Variants in SLIT1 observed in about 807,000 individuals in gnomAD.
SLIT1 encodes slit guidance ligand 1, also known as slit homolog 1 protein.
A neutral mutation model predicts 186.1 loss-of-function variants in SLIT1; 66 were observed. The ratio of observed to expected loss-of-function variants is 0.35; its 90% confidence interval spans 0.29 to 0.44. The LOEUF is 0.44. Ranked by LOEUF, SLIT1 falls within the 20% of genes least tolerant of loss-of-function variation. The probability of loss-of-function intolerance (pLI) is 1.00; values close to 1 mark genes in which losing one functional copy is unlikely to be tolerated. For missense variants in SLIT1, 1,638 were observed against 2,037.4 expected, an observed-to-expected ratio of 0.80 and a Z score of 3.77; for synonymous variants, 761 against 833.8, an observed-to-expected ratio of 0.91 and a Z score of 1.50.
intron 1 of SLIT1, among the ~76,000 whole-genome samples, chr10:97,180,563 G>A (rs1228446587): frequency 1.3e-5 from 2 of 152,248 alleles, no homozygotes; most frequent in Non-Finnish European, 2.9e-5. Context: ...TCTGTTGAAT[G>A]AGGGAATTAA....
chr10:97,120,706 G>A (rs1589401328), intron 4 of SLIT1, among the ~76,000 whole-genome samples: 1 of 152,096 alleles, frequency 6.6e-6, no homozygotes. Context: ...CGACACCTCC[G>A]GAAGAGTTCA....
At chr10:97,056,763 G>A (rs111894173) in intron 12 of SLIT1, among the ~76,000 whole-genome samples, 1,316 of 64,308 alleles carry the variant, frequency 0.02, 28 homozygotes, top group African/African-American at 0.12. Flanking sequence ...GGCATTTTTG[G>A]GGGGGGCTCC....
chr10:97,144,519 G>A lies in SLIT1; in HGVS notation c.413+13299C>T, dbSNP rs745831408. The stretch of plus-strand genomic sequence containing the variant: ...GACTTCAGGAGTAAAGCTCTCAGGC[G>A]GCAGGCTAAGCTGCCTGCCAAATCC... On this transcript the variant is annotated intron_variant, in intron 4 of 36. Transcript: ENST00000266058. Among the ~76,000 whole-genome samples, 20 of 152,262 alleles carry A rather than the reference G, an allele frequency of 1.3e-4. 1 individual carries two copies. The highest frequency in any genetic ancestry group is 5.2e-4 in the Admixed American group (8 of 15,302).
rs1001702243 is a variant in SLIT1 at position 97,158,544 on chromosome 10, C to A, written c.342-655G>T. Among the ~76,000 whole-genome samples the A allele has an allele frequency of 5.0e-4, 76 of 151,922 alleles. 2 individuals carry two copies. Among genetic ancestry groups the A allele is most frequent in the South Asian group, 8.3e-4 (4 of 4,820 alleles). On this transcript the variant is annotated intron_variant, in intron 3 of 36. Transcript: ENST00000266058. Reference sequence around the variant, plus strand: ...AGGCATGGTGGCAGGCGCCTGTAATCCCAGCTACTCGGGAGGCTGAGGCAG... The same window carrying A: ...AGGCATGGTGGCAGGCGCCTGTAATACCAGCTACTCGGGAGGCTGAGGCAG...
At chr10:97,159,674 T>A (rs1346260858) in intron 3 of SLIT1, among the ~76,000 whole-genome samples, 1 of 152,190 alleles carries the variant, frequency 6.6e-6, no homozygotes, top group East Asian at 1.9e-4. Flanking sequence ...ACAGTAGTCA[T>A]GGCCACCATC....
At chr10:97,123,917 A>G (rs746463581) in intron 4 of SLIT1, among the ~76,000 whole-genome samples, 16 of 152,128 alleles carry the variant, frequency 1.1e-4, no homozygotes, top group Non-Finnish European at 2.2e-4. Context: ...TCAGCTCTCA[A>G]GCAGAGGGAC....
chr10:97,078,115 A>T (rs116046278), intron 4 of SLIT1, among the ~76,000 whole-genome samples: 2,100 of 152,272 alleles, frequency 0.014, 37 homozygotes, highest in African/African-American at 0.042. Context: ...TCAAAAATTT[A>T]AAAAATAAAT....
intron 4 of SLIT1, among the ~76,000 whole-genome samples, chr10:97,125,127 G>A (rs1849593140): frequency 6.6e-6 from 1 of 152,184 alleles, no homozygotes; most frequent in South Asian, 2.1e-4. Flanking sequence ...AGATGGAACA[G>A]CTTTTCTAAA....
At chr10:97,084,711 T>C (rs909945960) in intron 4 of SLIT1, among the ~76,000 whole-genome samples, 1 of 152,018 alleles carries the variant, frequency 6.6e-6, no homozygotes, top group African/African-American at 2.4e-5. Context: ...GTTCAAGCAA[T>C]TCTCATGCCT....
chr10:97,009,563 C>G (rs1848393984), intron 31 of SLIT1, among the ~76,000 whole-genome samples: 1 of 152,002 alleles, frequency 6.6e-6, no homozygotes, highest in Non-Finnish European at 1.5e-5. Context: ...TCTTCATAAC[C>G]TTGGATTAGG....
At chr10:97,182,138 C>A (rs2134749482) in intron 1 of SLIT1, among the ~76,000 whole-genome samples, 1 of 152,322 alleles carries the variant, frequency 6.6e-6, no homozygotes, top group East Asian at 1.9e-4. Context: ...CCCAGCTGAC[C>A]AGCCCCACAG....
At chr10:97,092,687 T>G (rs938172369) in intron 4 of SLIT1, among the ~76,000 whole-genome samples, 4 of 152,226 alleles carry the variant, frequency 2.6e-5, no homozygotes, top group Admixed American at 2.0e-4. Flanking sequence ...GACTGGTGTA[T>G]AGTAGATGCT....
chr10:97,145,939 C>T (rs904729038), intron 4 of SLIT1, among the ~76,000 whole-genome samples: 1 of 152,182 alleles, frequency 6.6e-6, no homozygotes, highest in African/African-American at 2.4e-5. Context: ...GGCCATGTCA[C>T]CAAAAAGATG....
At chr10:97,139,346 A>G (rs1849734989) in intron 4 of SLIT1, among the ~76,000 whole-genome samples, 2 of 152,370 alleles carry the variant, frequency 1.3e-5, no homozygotes, top group Admixed American at 6.5e-5. Flanking sequence ...AGAGGCTCTC[A>G]GTGTGCTCCC....
chr10:97,027,516 C>T (rs1462351350), intron 25 of SLIT1, among the ~76,000 whole-genome samples: 3 of 152,226 alleles, frequency 2.0e-5, no homozygotes, highest in African/African-American at 7.2e-5. Flanking sequence ...CACACAGATG[C>T]TGTTTCGTAG....
chr10:97,024,477 G>A (rs192306435), intron 25 of SLIT1, among the ~76,000 whole-genome samples: 5 of 152,350 alleles, frequency 3.3e-5, no homozygotes, highest in Admixed American at 2.0e-4. Context: ...TCAGAAAAGA[G>A]AGCAGGTTCG....
intron 28 of SLIT1, among the ~76,000 whole-genome samples, chr10:97,014,849 C>T (rs985471349): frequency 1.5e-4 from 22 of 147,724 alleles, no homozygotes; most frequent in African/African-American, 4.3e-4. Context: ...CTGGGTGACA[C>T]AGCAAGACTC....
chr10:97,183,708 G>T (rs1442536873), intron 1 of SLIT1, among the ~76,000 whole-genome samples: 2 of 152,182 alleles, frequency 1.3e-5, no homozygotes, highest in African/African-American at 4.8e-5. Flanking sequence ...GGGAGGAGAT[G>T]ACTTTAAGAC....
At chr10:97,073,725 AG>A (rs1243623547) in intron 4 of SLIT1, among the ~76,000 whole-genome samples, 1 of 152,170 alleles carries the variant, frequency 6.6e-6, no homozygotes, top group Non-Finnish European at 1.5e-5. Flanking sequence ...TGGGTGTCAC[AG>A]GGGAGACTTG....
Sources: gnomAD v4.1 joint callset for allele counts (sites outside exome capture counted in the v4.1 genomes callset) on GRCh38, gnomAD v4.1.1 for gene constraint, MANE v1.5 for transcripts, NCBI Gene and HGNC (gene_info 2026-07-23, HGNC 2026-07-21) for gene names.